ADGRB3: variants seen among roughly 807,000 people sequenced by gnomAD.
ADGRB3 encodes brain-specific angiogenesis inhibitor 3.
ADGRB3 carries 37 observed loss-of-function variants against 193.4 expected under a neutral mutation model. That is an observed-to-expected ratio of 0.19 (90% CI 0.15 to 0.25). ADGRB3 has a LOEUF of 0.25. ADGRB3 is among the 10% of genes least tolerant of loss of function. The probability of loss-of-function intolerance (pLI) is 1.00; values close to 1 mark genes in which losing one functional copy is unlikely to be tolerated. For missense variants in ADGRB3, 1,637 were observed against 1,852.9 expected (o/e 0.88, Z 2.14); for synonymous variants, 690 against 644.2 (o/e 1.07, Z -1.08).
intron 20 of ADGRB3, among the ~76,000 whole-genome samples, chr6:69,255,908 G>C (rs1001067465): frequency 2.6e-5 from 4 of 152,134 alleles, no homozygotes; most frequent in African/African-American, 9.7e-5. Context: ...TCCGGTTTCA[G>C]CTTTCTACAT....
chr6:68,656,457 T>C (rs991674181), intron 3 of ADGRB3, among the ~76,000 whole-genome samples: 2 of 151,490 alleles, frequency 1.3e-5, no homozygotes, highest in African/African-American at 4.8e-5. Flanking sequence ...GAAAGTGTAA[T>C]ATACACGAAA....
intron 15 of ADGRB3, among the ~76,000 whole-genome samples, chr6:69,060,208 C>CTT (rs1349009418): frequency 5.4e-4 from 78 of 143,946 alleles, no homozygotes; most frequent in African/African-American, 2.0e-3. Context: ...CTTTCTCTGT[C>CTT]TCTCTCTCTC....
chr6:69,347,263 G>A (rs180803567), intron 26 of ADGRB3, among the ~76,000 whole-genome samples: 4,699 of 152,052 alleles, frequency 0.031, 248 homozygotes, highest in African/African-American at 0.11. Context: ...TGTAGATGAT[G>A]GGTTGATGGG....
intron 29 of ADGRB3, among the ~76,000 whole-genome samples, chr6:69,364,388 GA>G (rs2127334802): frequency 6.6e-6 from 1 of 152,124 alleles, no homozygotes; most frequent in East Asian, 1.9e-4. Flanking sequence ...AAGCAACAAA[GA>G]AAGAAGGAGG....
At chr6:69,179,205 T>G (rs1430089352) in intron 17 of ADGRB3, among the ~76,000 whole-genome samples, 7 of 152,220 alleles carry the variant, frequency 4.6e-5, no homozygotes, top group Admixed American at 4.6e-4. Flanking sequence ...TTTCTCTATT[T>G]TTATCTGACT....
chr6:69,018,531 C>A, intron 13 of ADGRB3, 32 bp downstream of exon 13: 1 of 1,480,460 alleles, frequency 6.8e-7, no homozygotes, highest in Non-Finnish European at 9.3e-7. Context: ...CAAAATCTTT[C>A]TGAAATAAAA....
chr6:69,300,203 A>T (rs1767919916), intron 20 of ADGRB3, among the ~76,000 whole-genome samples: 1 of 151,910 alleles, frequency 6.6e-6, no homozygotes, highest in Admixed American at 6.6e-5. Context: ...ACACAACAGG[A>T]TGAATAACAA....
chr6:68,834,015 A>G (rs999070116), intron 3 of ADGRB3, among the ~76,000 whole-genome samples: 7 of 151,582 alleles, frequency 4.6e-5, no homozygotes, highest in African/African-American at 1.7e-4. Context: ...GTGCTTACAT[A>G]TGTGAGTAAT....
intron 20 of ADGRB3, among the ~76,000 whole-genome samples, chr6:69,280,402 G>C (rs1324642883): frequency 2.0e-5 from 3 of 152,146 alleles, no homozygotes; most frequent in Admixed American, 6.5e-5. Flanking sequence ...GTATTATATT[G>C]TGGTTGAAAG....
intron 3 of ADGRB3, among the ~76,000 whole-genome samples, chr6:68,818,591 TTA>T (rs1767682170): frequency 6.6e-6 from 1 of 152,072 alleles, no homozygotes; most frequent in Non-Finnish European, 1.5e-5. Flanking sequence ...TGGCTGTATC[TTA>T]CTAGCAATAT....
chr6:69,213,915 C>T (rs1765718731), intron 17 of ADGRB3, among the ~76,000 whole-genome samples: 1 of 152,014 alleles, frequency 6.6e-6, no homozygotes, highest in Non-Finnish European at 1.5e-5. Context: ...ATTGTGATTC[C>T]AAATAGAATA....
At chr6:68,705,191 C>A (rs186575075) in intron 3 of ADGRB3, among the ~76,000 whole-genome samples, 1 of 152,292 alleles carries the variant, frequency 6.6e-6, no homozygotes, top group East Asian at 1.9e-4. Flanking sequence ...CTAGCTATGT[C>A]ATATTTTCAA....
intron 20 of ADGRB3, among the ~76,000 whole-genome samples, chr6:69,312,342 T>G (rs1232469524): frequency 6.6e-6 from 1 of 151,772 alleles, no homozygotes; most frequent in African/African-American, 2.4e-5. Flanking sequence ...AGAACTTCCT[T>G]AAGGAGAAAG....
chr6:69,244,012 A>G (rs118043039), intron 20 of ADGRB3, among the ~76,000 whole-genome samples: 4,340 of 152,118 alleles, frequency 0.029, 81 homozygotes, highest in Non-Finnish European at 0.042. Context: ...GTAAAGCAAA[A>G]GTTCTCATTG....
intron 3 of ADGRB3, among the ~76,000 whole-genome samples, chr6:68,817,053 T>C (rs993356747): frequency 2.0e-5 from 3 of 151,756 alleles, no homozygotes; most frequent in Non-Finnish European, 2.9e-5. Flanking sequence ...CATGCCCTTC[T>C]TCCCTGCTAG....
intron 3 of ADGRB3, among the ~76,000 whole-genome samples, chr6:68,643,438 CTTTTTTTTT>C (rs765489730): frequency 6.2e-5 from 4 of 65,030 alleles, no homozygotes; most frequent in African/African-American, 1.3e-4. Context: ...CTTCATCTTC[CTTTTTTTTT>C]TTTTTTTTTT....
intron 3 of ADGRB3, among the ~76,000 whole-genome samples, chr6:68,744,963 A>G (rs1024635316): frequency 6.6e-6 from 1 of 152,178 alleles, no homozygotes; most frequent in African/African-American, 2.4e-5. Flanking sequence ...ATTTTGTAAC[A>G]AAGCAGGAAT....
Position 69,389,007 on chromosome 6 carries a change from T to C in ADGRB3, c.*116T>C. ...ACTATCTTATGTCAGGACCTTCATG[T>C]GCCAAACGTCAGTGGTGTTTTCATA... On this transcript the variant is annotated 3_prime_UTR_variant, in exon 32 of 32. Coordinates refer to ENST00000370598, the MANE Select transcript of ADGRB3 (RefSeq NM_001704.3). 4.8e-6 allele frequency: 5 copies of C among 1,047,394 alleles called. No individual in the cohort carries two copies. The highest frequency in any genetic ancestry group is 6.8e-6 in the Non-Finnish European group (5 of 739,548). The allele number at this position is 1,047,394 out of a possible 1,614,324, so 64.9% of individuals were successfully genotyped here.
chr6:68,770,962 G>A (rs1766605724), intron 3 of ADGRB3, among the ~76,000 whole-genome samples: 1 of 151,100 alleles, frequency 6.6e-6, no homozygotes, highest in African/African-American at 2.5e-5. Context: ...CTGCCTCTTA[G>A]CATTATTATC....
Sources: gnomAD v4.1 joint callset for allele counts (sites outside exome capture counted in the v4.1 genomes callset) on GRCh38, gnomAD v4.1.1 for gene constraint, MANE v1.5 for transcripts, NCBI Gene and HGNC (gene_info 2026-07-23, HGNC 2026-07-21) for gene names.